The following CTNNA3 variants were observed in gnomAD, a reference collection of about 807,000 sequenced individuals.
CTNNA3 encodes catenin alpha-3.
Under a neutral mutation model 95.7 loss-of-function variants are expected in CTNNA3, and 76 were observed. That is an observed-to-expected ratio of 0.79 (90% CI 0.66 to 0.96). The LOEUF (loss-of-function observed/expected upper bound fraction) is 0.96. Ranked by LOEUF, CTNNA3 falls within the 40% of genes least tolerant of loss-of-function variation. The pLI, the probability that CTNNA3 is intolerant of heterozygous loss-of-function variation, is 0.00. For missense variants in CTNNA3, 1,191 were observed against 1,089.8 expected (o/e 1.09, Z -1.31); for synonymous variants, 431 against 374.4 (o/e 1.15, Z -1.74).
chr10:65,939,030 G>A (rs2077387226), intron 17 of CTNNA3, among the ~76,000 whole-genome samples: 1 of 151,892 alleles, frequency 6.6e-6, no homozygotes, highest in Non-Finnish European at 1.5e-5. Context: ...AGCCTCCCAA[G>A]TAGCTGGGAC....
intron 17 of CTNNA3, among the ~76,000 whole-genome samples, chr10:65,955,226 C>T (rs1589169630): frequency 6.6e-6 from 1 of 152,244 alleles, no homozygotes; most frequent in East Asian, 1.9e-4. Context: ...GTGATTTTTG[C>T]ACATTGAATT....
At chr10:67,404,016 A>T (rs959566730) in intron 5 of CTNNA3, among the ~76,000 whole-genome samples, 3 of 152,190 alleles carry the variant, frequency 2.0e-5, no homozygotes, top group Admixed American at 1.3e-4. Flanking sequence ...GAGCAAAACA[A>T]CAAGAACAAC....
intron 5 of CTNNA3, among the ~76,000 whole-genome samples, chr10:67,432,911 G>A (rs967100559): frequency 6.6e-6 from 1 of 151,894 alleles, no homozygotes; most frequent in South Asian, 2.1e-4. Flanking sequence ...AGACTGATTT[G>A]GGGAGTTTTT....
chr10:66,626,938 CAA>C (rs1844956646), intron 9 of CTNNA3, among the ~76,000 whole-genome samples: 1 of 151,830 alleles, frequency 6.6e-6, no homozygotes, highest in Admixed American at 6.6e-5. Context: ...CACACAACAA[CAA>C]CAACAACAAC....
chr10:67,582,852 G>A (rs1174168001), intron 3 of CTNNA3, among the ~76,000 whole-genome samples: 1 of 151,926 alleles, frequency 6.6e-6, no homozygotes, highest in African/African-American at 2.4e-5. Context: ...TTCATTTAAA[G>A]TCTGTTTTAT....
chr10:66,593,920 C>T (rs1378483546), intron 10 of CTNNA3, among the ~76,000 whole-genome samples: 5 of 151,994 alleles, frequency 3.3e-5, no homozygotes, highest in Non-Finnish European at 5.9e-5. Flanking sequence ...ATGGCTGAAT[C>T]CTCCCTCTAT....
At chr10:67,012,103 C>T (rs1852375274) in intron 7 of CTNNA3, among the ~76,000 whole-genome samples, 1 of 152,226 alleles carries the variant, frequency 6.6e-6, no homozygotes, top group African/African-American at 2.4e-5. Flanking sequence ...AAACACAACT[C>T]TCTCTGGCTC....
At chr10:67,034,512 G>T (rs1246147412) in intron 7 of CTNNA3, among the ~76,000 whole-genome samples, 3 of 151,852 alleles carry the variant, frequency 2.0e-5, no homozygotes, top group African/African-American at 7.3e-5. Context: ...CTGGTTCCTG[G>T]GTATTGTCAT....
chr10:66,680,173 T>G (rs1847016408), intron 9 of CTNNA3, among the ~76,000 whole-genome samples: 4 of 150,516 alleles, frequency 2.7e-5, no homozygotes, highest in Admixed American at 2.6e-4. Flanking sequence ...AATGTTTTTT[T>G]TTGTTTGTTT....
chr10:67,637,934 G>A (rs565683443), intron 2 of CTNNA3, among the ~76,000 whole-genome samples: 41 of 152,212 alleles, frequency 2.7e-4, no homozygotes, highest in Non-Finnish European at 5.4e-4. Context: ...GACCATCAAG[G>A]CTAGGAAGTA....
chr10:65,975,382 G>A (rs1483417602), intron 16 of CTNNA3, among the ~76,000 whole-genome samples: 1 of 151,950 alleles, frequency 6.6e-6, no homozygotes, highest in African/African-American at 2.4e-5. Context: ...AAGATATGGA[G>A]AAAGAAAAGA....
chr10:67,649,240 C>A (rs1256662385), intron 1 of CTNNA3, among the ~76,000 whole-genome samples: 3 of 152,186 alleles, frequency 2.0e-5, no homozygotes, highest in Non-Finnish European at 4.4e-5. Flanking sequence ...ATTTGGTGAA[C>A]CTTCGCAGCC....
chr10:66,160,311 T>C (rs1489466396), intron 13 of CTNNA3, among the ~76,000 whole-genome samples: 4 of 152,034 alleles, frequency 2.6e-5, no homozygotes, highest in Non-Finnish European at 4.4e-5. Flanking sequence ...GATGTAGGCG[T>C]TTAGGGCTAT....
At chr10:66,182,444 A>G (rs994234831) in intron 13 of CTNNA3, among the ~76,000 whole-genome samples, 2 of 151,908 alleles carry the variant, frequency 1.3e-5, no homozygotes. Context: ...TTTAGTAGAG[A>G]CGGGGTTTCA....
intron 3 of CTNNA3, among the ~76,000 whole-genome samples, chr10:67,570,942 T>TA (rs1841954562): frequency 6.6e-6 from 1 of 152,282 alleles, no homozygotes; most frequent in South Asian, 2.1e-4. Context: ...CTTGGAATGA[T>TA]AAATTTGGAA....
intron 13 of CTNNA3, among the ~76,000 whole-genome samples, chr10:66,219,560 A>C (rs1462520975): frequency 1.3e-5 from 2 of 152,128 alleles, no homozygotes; most frequent in Non-Finnish European, 2.9e-5. Flanking sequence ...TGAAAAACTG[A>C]ATCCTCCTCT....
intron 11 of CTNNA3, among the ~76,000 whole-genome samples, chr10:66,458,893 G>T (rs2093511200): frequency 1.3e-5 from 2 of 152,156 alleles, no homozygotes; most frequent in African/African-American, 4.8e-5. Context: ...ACATTGGTGT[G>T]CAAATATCTT....
chr10:66,525,847 T>G (rs1055925886), intron 10 of CTNNA3, among the ~76,000 whole-genome samples: 1 of 152,170 alleles, frequency 6.6e-6, no homozygotes, highest in Non-Finnish European at 1.5e-5. Flanking sequence ...TCTATTATAC[T>G]TTCTACCTCT....
At chr10:67,302,046 A>C (rs193021580) in intron 5 of CTNNA3, among the ~76,000 whole-genome samples, 1,567 of 91,700 alleles carry the variant, frequency 0.017, 361 homozygotes, top group African/African-American at 0.11. Flanking sequence ...AAAGAAAGAA[A>C]GAAAGAAAGA....
Sources: gnomAD v4.1 joint callset for allele counts (sites outside exome capture counted in the v4.1 genomes callset) on GRCh38, gnomAD v4.1.1 for gene constraint, MANE v1.5 for transcripts, NCBI Gene and HGNC (gene_info 2026-07-23, HGNC 2026-07-21) for gene names.